Variants in DNM3 observed in about 807,000 individuals in gnomAD.
DNM3 encodes dynamin 3.
DNM3 carries 47 observed loss-of-function variants against 101.6 expected under a neutral mutation model. That is an observed-to-expected ratio of 0.46 (90% confidence interval 0.37 to 0.59). The LOEUF is 0.59. DNM3 is among the 20% of genes least tolerant of loss of function. The pLI is 0.00. For synonymous variants in DNM3, 385 were observed against 387.9 expected (o/e 0.99, Z 0.09); for missense variants, 849 against 1,085.7 (o/e 0.78, Z 3.06).
intron 1 of DNM3, among the ~76,000 whole-genome samples, chr1:171,844,932 C>T (rs945243463): frequency 3.9e-5 from 6 of 152,066 alleles, no homozygotes; most frequent in African/African-American, 9.7e-5. Context: ...TATAGAGTGC[C>T]TGTTATGTGT....
chr1:171,988,913 G>A (rs770756620), intron 3 of DNM3, 32 bp from the exon 4 acceptor site: 10 of 1,526,082 alleles, frequency 6.6e-6, no homozygotes, highest in Non-Finnish European at 8.0e-6. Context: ...CATTGAAGGT[G>A]TATGTAAGAC....
chr1:172,247,656 C>CTTACTGAT (rs142204811), intron 14 of DNM3, among the ~76,000 whole-genome samples: 1 of 135,330 alleles, frequency 7.4e-6, no homozygotes, highest in Non-Finnish European at 1.6e-5. Context: ...ATTATTATTT[C>CTTACTGAT]TTATTTATTT....
intron 14 of DNM3, among the ~76,000 whole-genome samples, chr1:172,196,032 A>T (rs1191120811): frequency 6.6e-6 from 1 of 151,790 alleles, no homozygotes. Context: ...CCCAATAGTT[A>T]TCTTTTTTGC....
intron 1 of DNM3, among the ~76,000 whole-genome samples, chr1:171,871,003 T>C (rs548054727): frequency 2.0e-5 from 3 of 152,258 alleles, no homozygotes; most frequent in South Asian, 4.2e-4. Context: ...GGGAATAGCT[T>C]GGGCAGAGGG....
At chr1:171,951,873 T>C (rs750056526) in intron 2 of DNM3, among the ~76,000 whole-genome samples, 12 of 152,210 alleles carry the variant, frequency 7.9e-5, no homozygotes, top group Non-Finnish European at 1.5e-4. Flanking sequence ...TTTAGGGAGA[T>C]ACAAATTGTA....
In DNM3 at chr1:172,409,567, G is replaced by T; in HGVS notation, c.*1726G>T. Reference sequence around the variant, plus strand: ...AAACATCACAATCCTAAATCCTCTCGTATCTCACCCCAAACCCCAAACTGG... The same window carrying T: ...AAACATCACAATCCTAAATCCTCTCTTATCTCACCCCAAACCCCAAACTGG... On this transcript the variant is annotated 3_prime_UTR_variant, in exon 21 of 21. Coordinates refer to ENST00000627582, the MANE Select transcript of DNM3 (RefSeq NM_015569.5). 7.1e-6 allele frequency: 7 copies of T among 985,120 alleles called. No homozygotes were observed. Among genetic ancestry groups the T allele is most frequent in the Non-Finnish European group, 8.4e-6 (7 of 829,784 alleles). The allele number at this position is 985,120 out of a possible 1,614,324, so 61.0% of individuals were successfully genotyped here. A position where few individuals can be genotyped will look rare whatever the true frequency, so the allele number is the denominator to read the frequency against.
intron 17 of DNM3, among the ~76,000 whole-genome samples, chr1:172,342,877 C>CT (rs1022080551): frequency 6.6e-6 from 1 of 152,172 alleles, no homozygotes; most frequent in Admixed American, 6.6e-5. Flanking sequence ...TACATTTCCT[C>CT]TTTTTTTCTT....
At chr1:172,326,873 G>A (rs1412872707) in intron 17 of DNM3, among the ~76,000 whole-genome samples, 3 of 152,066 alleles carry the variant, frequency 2.0e-5, no homozygotes, top group Admixed American at 2.0e-4. Flanking sequence ...AAAGCCACAT[G>A]TAAGCTCGTG....
intron 15 of DNM3, among the ~76,000 whole-genome samples, chr1:172,259,719 A>G (rs1458441316): frequency 3.3e-5 from 5 of 152,094 alleles, no homozygotes; most frequent in Non-Finnish European, 7.4e-5. Flanking sequence ...TTTTAAGTGC[A>G]AAGTTTAATC....
chr1:172,078,987 G>C (rs547813563), intron 11 of DNM3, among the ~76,000 whole-genome samples: 1 of 152,160 alleles, frequency 6.6e-6, no homozygotes, highest in South Asian at 2.1e-4. Context: ...AGATATATCC[G>C]CTGTTAGTCT....
chr1:172,376,681 C>T (rs998019199), intron 17 of DNM3: 2 of 152,034 alleles, frequency 1.3e-5, no homozygotes, highest in East Asian at 3.9e-4. Context: ...AACTCTGTGA[C>T]TCCCCATCAT....
At chr1:171,920,166 T>C (rs920451235) in intron 1 of DNM3, among the ~76,000 whole-genome samples, 1 of 152,160 alleles carries the variant, frequency 6.6e-6, no homozygotes, top group African/African-American at 2.4e-5. Flanking sequence ...GTAGGAGAAA[T>C]TTGGCTTGAT....
chr1:172,387,201 G>A lies in DNM3; in HGVS notation c.2127G>A (p.Met709Ile), dbSNP rs768375311. The A allele has an allele frequency of 7.4e-6, 12 of 1,613,998 alleles. No individual in the cohort carries two copies. The South Asian group carries it at 1.3e-4, about 18-fold the overall frequency. ...CTTCAGAGGACCAAAATACCCTGAT[G>A]GAGGAATCTGCTGAGCAGGCTCAGC... is the stretch of plus-strand genomic sequence containing the variant. Reference protein sequence around the residue: ...LYSSEDQNTLMEESAEQAQRR... With the variant: ...LYSSEDQNTLIEESAEQAQRR... The change falls in exon 19 of 21, where the codon ATG (methionine) becomes ATA (isoleucine). Residue 709 changes from methionine to isoleucine, a missense_variant. Physicochemically the swap from Met to Ile is conservative, Grantham distance 10. Coordinates refer to ENST00000627582, the MANE Select transcript of DNM3 (RefSeq NM_015569.5).
intron 1 of DNM3, among the ~76,000 whole-genome samples, chr1:171,847,708 A>G (rs1465964239): frequency 6.6e-6 from 1 of 152,188 alleles, no homozygotes; most frequent in Non-Finnish European, 1.5e-5. Flanking sequence ...AAAGGAGTAG[A>G]ATAAGTCAAA....
At chr1:172,047,663 T>A (rs1196615083) in intron 9 of DNM3, among the ~76,000 whole-genome samples, 1 of 152,100 alleles carries the variant, frequency 6.6e-6, no homozygotes, top group Non-Finnish European at 1.5e-5. Flanking sequence ...ATTACTACAG[T>A]TAGAAATAGA....
intron 1 of DNM3, among the ~76,000 whole-genome samples, chr1:171,850,846 T>TG (rs1204669655): frequency 2.7e-5 from 4 of 148,094 alleles, no homozygotes; most frequent in Non-Finnish European, 5.9e-5. Flanking sequence ...GCAGAGTAAG[T>TG]GGGGAGATGA....
chr1:171,897,696 T>C (rs889632014), intron 1 of DNM3, among the ~76,000 whole-genome samples: 9 of 152,226 alleles, frequency 5.9e-5, no homozygotes, highest in African/African-American at 2.2e-4. Context: ...CATGAAGATA[T>C]AAAATCTAGC....
At chr1:172,149,600 C>T (rs1437522959) in intron 14 of DNM3, among the ~76,000 whole-genome samples, 1 of 152,082 alleles carries the variant, frequency 6.6e-6, no homozygotes, top group African/African-American at 2.4e-5. Context: ...GCTATGAGCT[C>T]CCGTTGAATT....
In DNM3 at chr1:172,098,786, G is replaced by A. The variant is rs10911026; in HGVS notation, c.1545+5911G>A. Among the ~76,000 whole-genome samples, 1,478 of 152,256 alleles carry A rather than the reference G, an allele frequency of 9.7e-3. 29 individuals carry two copies. The highest frequency in any genetic ancestry group is 0.033 in the African/African-American group (1,391 of 41,540). ...ATGGCTTCAGCTGGTCCCTCCGTTC[G>A]GGGTCCCTGACTTTCCGCAACAAGT... On this transcript the variant is annotated intron_variant, in intron 13 of 20. Coordinates refer to ENST00000627582, the MANE Select transcript of DNM3 (RefSeq NM_015569.5).
Sources: gnomAD v4.1 joint callset for allele counts (sites outside exome capture counted in the v4.1 genomes callset) on GRCh38, gnomAD v4.1.1 for gene constraint, MANE v1.5 for transcripts, NCBI Gene and HGNC (gene_info 2026-07-23, HGNC 2026-07-21) for gene names.